NOL4L: variants seen among roughly 807,000 people sequenced by gnomAD.
NOL4L encodes the protein nucleolar protein 4-like.
NOL4L carries 7 observed loss-of-function variants against 64.5 expected under a neutral mutation model. That is an observed-to-expected ratio of 0.11 (90% CI 0.06 to 0.20). The LOEUF is 0.20. Ranked by LOEUF, NOL4L falls within the 10% of genes least tolerant of loss-of-function variation. NOL4L has a pLI of 1.00. For missense variants in NOL4L, 680 were observed against 967.1 expected (o/e 0.70, Z 3.94); for synonymous variants, 413 against 401.0 (o/e 1.03, Z -0.36).
At chr20:32,499,738 C>CAAAAAAAAAAA (rs10692885) in intron 4 of NOL4L, among the ~76,000 whole-genome samples, 5 of 51,344 alleles carry the variant, frequency 9.7e-5, no homozygotes, top group African/African-American at 4.2e-4. Flanking sequence ...GACCTTGTCT[C>CAAAAAAAAAAA]AAAAAAAAAA....
At chr20:32,568,570 C>A (rs1267549958) in intron 1 of NOL4L, among the ~76,000 whole-genome samples, 2 of 152,252 alleles carry the variant, frequency 1.3e-5, no homozygotes, top group African/African-American at 4.8e-5. Context: ...CACTCAATGG[C>A]TCCCAATCCC....
chr20:32,465,187 G>A, intron 5 of NOL4L: 1 of 461,828 alleles, frequency 2.2e-6, no homozygotes, highest in Non-Finnish European at 4.0e-6. Context: ...CCGAGTGTCA[G>A]GCGGCGGGTA....
chr20:32,547,360 G>A (rs2018746675), intron 1 of NOL4L, among the ~76,000 whole-genome samples: 1 of 152,136 alleles, frequency 6.6e-6, no homozygotes, highest in Admixed American at 6.5e-5. Flanking sequence ...GCTCAATCAT[G>A]ACTCACTGCA....
intron 1 of NOL4L, among the ~76,000 whole-genome samples, chr20:32,559,799 C>T (rs1288275424): frequency 6.6e-6 from 1 of 152,248 alleles, no homozygotes; most frequent in Non-Finnish European, 1.5e-5. Context: ...TGCCGCCCTC[C>T]TCCCAGGCGT....
intron 1 of NOL4L, among the ~76,000 whole-genome samples, chr20:32,538,410 T>C (rs1249411257): frequency 3.9e-5 from 6 of 151,912 alleles, no homozygotes; most frequent in African/African-American, 7.3e-5. Flanking sequence ...AGGAGGAGGC[T>C]ATCTGATCCC....
At chr20:32,582,193 C>G (rs533759606) in intron 1 of NOL4L, 1 of 152,052 alleles carries the variant, frequency 6.6e-6, no homozygotes, top group African/African-American at 2.4e-5. Flanking sequence ...GGCGGGCTGT[C>G]GAGGGAGGGC....
rs143755560 is a variant in NOL4L, at chr20:32,513,325, C to T, written c.590-1869G>A. On this transcript the variant is annotated intron_variant, in intron 3 of 10. Transcript: ENST00000621426. ...AAGGGTCCCTGCAACCTTGAAAACG[C>T]GATACCAAGGGCAAGAAGCCAGACA... 2.1e-4 allele frequency among the ~76,000 whole-genome samples: 32 copies of T among 152,230 alleles called. No individual in the cohort carries two copies. The East Asian group carries it at 4.8e-3, about 23-fold the overall frequency.
chr20:32,564,732 C>T (rs1361022211), intron 1 of NOL4L, among the ~76,000 whole-genome samples: 1 of 152,204 alleles, frequency 6.6e-6, no homozygotes, highest in Non-Finnish European at 1.5e-5. Context: ...TATGTCTGGC[C>T]CTTCAAGGTG....
At chr20:32,533,993 T>C (rs2018430327) in intron 1 of NOL4L, among the ~76,000 whole-genome samples, 1 of 152,222 alleles carries the variant, frequency 6.6e-6, no homozygotes, top group South Asian at 2.1e-4. Flanking sequence ...CAGTTGCTAA[T>C]GGATTGCAGT....
rs747342316 is a variant in NOL4L at position 32,452,938 on chromosome 20, G to A, written c.1566C>T (p.Ser522=). The A allele has an allele frequency of 9.3e-6, 15 of 1,613,998 alleles. No individual in the cohort carries two copies. Among genetic ancestry groups the A allele is most frequent in the African/African-American group, 6.7e-5 (5 of 75,048 alleles). Reference sequence around the variant, plus strand: ...TCCGCTTGGCTGCCTTTCTTGTCTCGCTCTCACAGGCAGCTGCCAGGATGT... The same window carrying A: ...TCCGCTTGGCTGCCTTTCTTGTCTCACTCTCACAGGCAGCTGCCAGGATGT... ...AENILAAACE[S]ETRKAAKRMR... is the part of the protein sequence containing the mutation. The change falls in exon 9 of 11, where the codon AGC becomes AGT. Residue 522 remains serine, a synonymous_variant. Transcript: ENST00000621426.
chr20:32,541,512 G>C (rs999753334), intron 1 of NOL4L, among the ~76,000 whole-genome samples: 1 of 152,238 alleles, frequency 6.6e-6, no homozygotes, highest in Non-Finnish European at 1.5e-5. Flanking sequence ...GGGTGGCGGG[G>C]CTGATGGGCC....
chr20:32,452,442 A>G lies in NOL4L; in HGVS notation c.1621-5T>C, dbSNP rs1600629517. 2 of 1,564,686 alleles carry G rather than the reference A, an allele frequency of 1.3e-6. No homozygotes were observed. Among genetic ancestry groups the G allele is most frequent in the East Asian group, 2.3e-5 (1 of 43,862 alleles). On this transcript the variant is annotated splice_polypyrimidine_tract_variant and splice_region_variant and intron_variant, in intron 9 of 10. Transcript: ENST00000621426. ...GTCCAGGGCTATGGGCTCATCCTGCAGAGGGGAGAGGGGGGCGCTGGGGAA... is the reference window on the plus strand; with the variant it reads ...GTCCAGGGCTATGGGCTCATCCTGCGGAGGGGAGAGGGGGGCGCTGGGGAA...
At chr20:32,475,023 T>C (rs907223067) in intron 4 of NOL4L, 1 of 985,450 alleles carries the variant, frequency 1.0e-6, no homozygotes, top group Non-Finnish European at 1.2e-6. Flanking sequence ...TGGCAGGGCC[T>C]GGCTCTTACC....
At chr20:32,528,302 C>T (rs1336616370) in intron 1 of NOL4L, among the ~76,000 whole-genome samples, 1 of 152,152 alleles carries the variant, frequency 6.6e-6, no homozygotes, top group Non-Finnish European at 1.5e-5. Context: ...ATCAGGAGCT[C>T]GCCAATTAGC....
intron 10 of NOL4L, among the ~76,000 whole-genome samples, chr20:32,450,681 G>A (rs2012802800): frequency 6.6e-6 from 1 of 152,158 alleles, no homozygotes; most frequent in South Asian, 2.1e-4. Flanking sequence ...CATGCTGGGT[G>A]GACACCAGGT....
At position 32,453,237 on chromosome 20, in the gene NOL4L, C is replaced by G. The variant is rs945958946; in HGVS notation, c.1497+67G>C. On this transcript the variant is annotated intron_variant, in intron 8 of 10. Coordinates refer to ENST00000621426, the MANE Select transcript of NOL4L (RefSeq NM_001256798.2). This position sits in a 1 kb window ranked among gnomAD's most constrained non-coding sequence, Gnocchi z 5.6. Reference sequence around the variant, plus strand: ...CCCTGGGTGAAGGGGCCCGGGCATCCTGGGAGTGTGGCAGGAGGTCAGTAG... The same window carrying G: ...CCCTGGGTGAAGGGGCCCGGGCATCGTGGGAGTGTGGCAGGAGGTCAGTAG... 1.1e-5 allele frequency: 17 copies of G among 1,563,512 alleles called. No individual in the cohort carries two copies. Among genetic ancestry groups the G allele is most frequent in the Admixed American group, 1.7e-5 (1 of 57,444 alleles).
chr20:32,470,446 G>A (rs2014928877), intron 5 of NOL4L, among the ~76,000 whole-genome samples: 1 of 152,252 alleles, frequency 6.6e-6, no homozygotes, highest in South Asian at 2.1e-4. Context: ...CCCTGTGCTG[G>A]GTGCTGGAGG....
intron 4 of NOL4L, among the ~76,000 whole-genome samples, chr20:32,505,621 G>A (rs1219997593): frequency 6.6e-6 from 1 of 152,216 alleles, no homozygotes; most frequent in Non-Finnish European, 1.5e-5. Flanking sequence ...TCAGGAGGCT[G>A]AGGTGGGCAG....
chr20:32,506,635 T>C (rs948606117), intron 4 of NOL4L, among the ~76,000 whole-genome samples: 4 of 152,124 alleles, frequency 2.6e-5, no homozygotes, highest in African/African-American at 9.7e-5. Flanking sequence ...CACTCCAGCC[T>C]GGGCAACAAG....
Sources: gnomAD v4.1 joint callset for allele counts (sites outside exome capture counted in the v4.1 genomes callset) on GRCh38, gnomAD v4.1.1 for gene constraint, Gnocchi (gnomAD v3.1) non-coding constraint, MANE v1.5 for transcripts, NCBI Gene and HGNC (gene_info 2026-07-23, HGNC 2026-07-21) for gene names.